Variants in GRIK3 observed in about 807,000 individuals in gnomAD.
GRIK3 encodes the protein glutamate receptor ionotropic, kainate 3.
GRIK3 carries 29 observed loss-of-function variants against 102.5 expected under a neutral mutation model. The ratio of observed to expected loss-of-function variants is 0.28; its 90% CI spans 0.21 to 0.39. The LOEUF is 0.39. Among genes scored for constraint, GRIK3 ranks in the 10% least tolerant of loss-of-function variants. The pLI, the probability that GRIK3 is intolerant of heterozygous loss-of-function variation, is 1.00. For missense variants in GRIK3, 908 were observed against 1,252.4 expected, an observed-to-expected ratio of 0.73 and a Z score of 4.15; for synonymous variants, 511 against 504.9, an observed-to-expected ratio of 1.01 and a Z score of -0.16.
chr1:36,840,297 A>G (rs961827632), intron 10 of GRIK3, among the ~76,000 whole-genome samples: 2 of 152,146 alleles, frequency 1.3e-5, no homozygotes, highest in South Asian at 2.1e-4. Flanking sequence ...AAAATGCTTC[A>G]GTCAAGTTGA....
At chr1:36,852,718 T>G (rs1234038475) in intron 8 of GRIK3, among the ~76,000 whole-genome samples, 1 of 152,310 alleles carries the variant, frequency 6.6e-6, no homozygotes, top group Admixed American at 6.5e-5. Context: ...GCATCCGAAG[T>G]GGCCCCTCCA....
intron 1 of GRIK3, 85 bp from the exon 2 acceptor site, chr1:36,891,181 C>A (rs914144550): frequency 2.0e-6 from 2 of 999,790 alleles, no homozygotes; most frequent in Non-Finnish European, 3.0e-6. Flanking sequence ...ATTTTATAGA[C>A]AAGTTGCCTG....
intron 1 of GRIK3, among the ~76,000 whole-genome samples, chr1:36,965,971 C>A (rs1642073539): frequency 6.6e-6 from 1 of 152,158 alleles, no homozygotes; most frequent in Non-Finnish European, 1.5e-5. Context: ...TTAATCTGCC[C>A]TTCGAGGGAT....
intron 9 of GRIK3, among the ~76,000 whole-genome samples, chr1:36,842,931 G>C (rs554955968): frequency 6.6e-6 from 1 of 152,114 alleles, no homozygotes; most frequent in Non-Finnish European, 1.5e-5. Context: ...AGGGGCAGGC[G>C]ATCCCCAGGA....
At chr1:36,903,733 A>G (rs1434008517) in intron 1 of GRIK3, among the ~76,000 whole-genome samples, 1 of 152,258 alleles carries the variant, frequency 6.6e-6, no homozygotes, top group African/African-American at 2.4e-5. Flanking sequence ...TACAGACTAT[A>G]TGATTTCAAC....
chr1:36,967,647 A>G (rs185461938), intron 1 of GRIK3, among the ~76,000 whole-genome samples: 67 of 152,328 alleles, frequency 4.4e-4, no homozygotes, highest in Middle Eastern at 3.4e-3. Context: ...GGTGGGGCCC[A>G]TCGGCAATGC....
chr1:37,026,426 G>A (rs1642764939), intron 1 of GRIK3, among the ~76,000 whole-genome samples: 1 of 152,216 alleles, frequency 6.6e-6, no homozygotes. Context: ...GGCACTAGGG[G>A]TTAGCACAAA....
intron 1 of GRIK3, among the ~76,000 whole-genome samples, chr1:36,947,003 T>G (rs1289073363): frequency 6.6e-6 from 1 of 152,064 alleles, no homozygotes; most frequent in Non-Finnish European, 1.5e-5. Flanking sequence ...CCCAGATACT[T>G]GGGATTTGGA....
In GRIK3 at chr1:36,997,313, C is replaced by T. The variant is rs564178610; in HGVS notation, c.115+36681G>A. ...TCTGTTCAGAGTTTTAATTACGTGT[C>T]TCAAATCAGGATTTAATTGGGCTGT... is the stretch of plus-strand genomic sequence containing the variant. On this transcript the variant is annotated intron_variant, in intron 1 of 15. Transcript: ENST00000373091. 1.2e-3 allele frequency among the ~76,000 whole-genome samples: 179 copies of T among 152,298 alleles called. 1 individual carries two copies. The highest frequency in any genetic ancestry group is 4.2e-3 in the African/African-American group (175 of 41,564).
At chr1:36,825,540 G>A in intron 11 of GRIK3, 63 bp downstream of exon 11, 6 of 1,110,484 alleles carry the variant, frequency 5.4e-6, no homozygotes, top group Non-Finnish European at 7.7e-6. Flanking sequence ...GAGGAGATGA[G>A]GACCTGCCTA....
intron 11 of GRIK3, among the ~76,000 whole-genome samples, chr1:36,821,867 A>G (rs1432709714): frequency 6.6e-6 from 1 of 152,258 alleles, no homozygotes; most frequent in Non-Finnish European, 1.5e-5. Context: ...AGATCTCCCG[A>G]GTCCTGCTCT....
At position 36,827,970 on chromosome 1, in the gene GRIK3, A is replaced by G. The variant is rs138728171; in HGVS notation, c.1531-2144T>C. ...TCTTTTGTAAATGTCTGAATGTGTG[A>G]GTTGGAATTTGCCTGGCTGAAGGCA... On this transcript the variant is annotated intron_variant, in intron 10 of 15. Transcript: ENST00000373091. Among the ~76,000 whole-genome samples, 85 of 151,802 alleles carry G rather than the reference A, an allele frequency of 5.6e-4. 1 individual carries two copies. Among genetic ancestry groups the G allele is most frequent in the African/African-American group, 2.0e-3 (83 of 41,384 alleles).
rs1481127934 is a variant in GRIK3, at chr1:36,800,530, C to A, written c.*1321G>T. 6.6e-6 allele frequency: 1 copy of A among 152,270 alleles called. No individual in the cohort carries two copies. The highest frequency in any genetic ancestry group is 1.5e-5 in the Non-Finnish European group (1 of 68,062). 9.4% of individuals were successfully genotyped at this position (152,270 alleles called of 1,614,324 possible). ...CCCACAATGCCATAGCTGCTCTGGA[C>A]AACAGACAAGGGGCCAGGATGGCCT... On this transcript the variant is annotated 3_prime_UTR_variant, in exon 16 of 16. Transcript: ENST00000373091.
At chr1:36,886,237 C>T (rs902345408) in intron 2 of GRIK3, among the ~76,000 whole-genome samples, 1 of 152,154 alleles carries the variant, frequency 6.6e-6, no homozygotes, top group Non-Finnish European at 1.5e-5. Flanking sequence ...GCAGAGCTGG[C>T]AGGGCAGGTG....
chr1:37,015,010 T>C (rs1381275217), intron 1 of GRIK3, among the ~76,000 whole-genome samples: 2 of 151,882 alleles, frequency 1.3e-5, no homozygotes, highest in Admixed American at 1.3e-4. Flanking sequence ...TCATTCTTCA[T>C]CTCTCAATAA....
intron 1 of GRIK3, among the ~76,000 whole-genome samples, chr1:37,000,541 G>A (rs959353853): frequency 6.6e-6 from 1 of 152,170 alleles, no homozygotes; most frequent in Non-Finnish European, 1.5e-5. Flanking sequence ...AGGTCACACA[G>A]CCACTTGCCA....
chr1:37,020,528 G>A (rs969284501), intron 1 of GRIK3, among the ~76,000 whole-genome samples: 2 of 152,124 alleles, frequency 1.3e-5, no homozygotes, highest in African/African-American at 4.8e-5. Context: ...TTGGTATCAG[G>A]TGTGACATTT....
chr1:36,874,829 G>A (rs190232253), intron 3 of GRIK3, among the ~76,000 whole-genome samples: 28 of 152,302 alleles, frequency 1.8e-4, no homozygotes, highest in Admixed American at 8.5e-4. Context: ...TGTAATGCAT[G>A]GTGACCCACA....
At chr1:36,999,543 G>T (rs941046599) in intron 1 of GRIK3, among the ~76,000 whole-genome samples, 1 of 152,042 alleles carries the variant, frequency 6.6e-6, no homozygotes, top group African/African-American at 2.4e-5. Flanking sequence ...AGCTGGAAAG[G>T]GGCCTTAAGG....
Sources: gnomAD v4.1 joint callset for allele counts (sites outside exome capture counted in the v4.1 genomes callset) on GRCh38, gnomAD v4.1.1 for gene constraint, MANE v1.5 for transcripts, NCBI Gene and HGNC (gene_info 2026-07-23, HGNC 2026-07-21) for gene names.